BORCS7: variants seen among roughly 807,000 people sequenced by gnomAD.
BORCS7 encodes the protein BLOC-1 related complex subunit 7.
A neutral mutation model predicts 17.5 loss-of-function variants in BORCS7; 20 were observed. The ratio of observed to expected loss-of-function variants is 1.14; its 90% CI spans 0.80 to 1.66. The LOEUF is 1.66. Ranked by LOEUF, BORCS7 falls within the 40% of genes most tolerant of loss-of-function variation. BORCS7 has a pLI of 0.00. For missense variants in BORCS7, 122 were observed against 129.7 expected, an observed-to-expected ratio of 0.94 and a Z score of 0.29; for synonymous variants, 57 against 49.8, an observed-to-expected ratio of 1.14 and a Z score of -0.61.
chr10:102,860,683 G>C, intron 3 of BORCS7, 142 bp downstream of exon 3: 1 of 821,472 alleles, frequency 1.2e-6, no homozygotes, highest in Non-Finnish European at 2.0e-6. Context: ...TTTCTCGATG[G>C]CAAAGATGCC....
At chr10:102,856,015 G>A (rs1844421731) in intron 1 of BORCS7, among the ~76,000 whole-genome samples, 1 of 151,912 alleles carries the variant, frequency 6.6e-6, no homozygotes, top group Non-Finnish European at 1.5e-5. Context: ...TTCCCGCTTT[G>A]GCCCCCTAAA....
intron 1 of BORCS7, among the ~76,000 whole-genome samples, chr10:102,860,048 TG>T (rs1844491555): frequency 1.3e-5 from 2 of 152,222 alleles, no homozygotes; most frequent in Non-Finnish European, 2.9e-5. Flanking sequence ...TAGCACTTAA[TG>T]AATACACTGT....
At position 102,863,163 on chromosome 10, in the gene BORCS7, G is replaced by A. The variant is rs1051333787; in HGVS notation, c.*239G>A. ...AGCCTGGCCAAGATGGTGAAACCCC[G>A]TCTCTACTAAAAATACAAAGAATTA... On this transcript the variant is annotated 3_prime_UTR_variant, in exon 5 of 5. Transcript: ENST00000339834. 7 of 356,116 alleles carry A rather than the reference G, an allele frequency of 2.0e-5. No individual in the cohort carries two copies. The East Asian group carries it at 4.0e-4, about 20-fold the overall frequency. 22.1% of individuals were successfully genotyped at this position (356,116 alleles called of 1,614,324 possible).
chr10:102,859,366 C>T (rs1844479848), intron 1 of BORCS7, among the ~76,000 whole-genome samples: 1 of 151,758 alleles, frequency 6.6e-6, no homozygotes, highest in Non-Finnish European at 1.5e-5. Context: ...TCTTGAACTC[C>T]TGATCTCAGG....
intron 3 of BORCS7, 54 bp from the exon 4 acceptor site, chr10:102,862,106 A>G (rs1351050963): frequency 2.0e-6 from 3 of 1,517,792 alleles, no homozygotes; most frequent in Non-Finnish European, 1.8e-6. Context: ...CTGGTCATAA[A>G]TGAAACTTAT....
At position 102,860,338 on chromosome 10, in the gene BORCS7, G is replaced by C. The variant is rs752467994; in HGVS notation, c.148G>C (p.Gly50Arg). Residue 50 changes from glycine (G) to arginine (R), a missense_variant, in exon 2 of 5, where the codon GGT becomes CGT. By Grantham distance (125) the Gly-to-Arg change is moderately radical. Transcript: ENST00000339834. ...TTTTATTTTTGTCTTCCAGCTGCTA[G>C]GTCAGGCAGCTCGAAACATGGTACT... is the stretch of plus-strand genomic sequence containing the variant. ...LKGSRSSELL[G>R]QAARNMVLQE... The C allele has an allele frequency of 6.2e-7, 1 of 1,614,016 alleles. No individual in the cohort carries two copies. The highest frequency in any genetic ancestry group is 8.5e-7 in the Non-Finnish European group (1 of 1,179,962).
chr10:102,861,023 T>C (rs148437189), intron 3 of BORCS7, among the ~76,000 whole-genome samples: 1 of 152,212 alleles, frequency 6.6e-6, no homozygotes. Context: ...TTTTGAAATA[T>C]AAGACCCCCT....
At chr10:102,860,601 A>T (rs1844502033) in intron 3 of BORCS7, 60 bp downstream of exon 3, 40 of 1,568,420 alleles carry the variant, frequency 2.6e-5, no homozygotes, top group Non-Finnish European at 3.4e-5. Context: ...GTCTGCTTTC[A>T]TGGACTTTGT....
At chr10:102,854,571 G>T in intron 1 of BORCS7, 144 bp downstream of exon 1, 1 of 1,033,518 alleles carries the variant, frequency 9.7e-7, no homozygotes, top group Non-Finnish European at 1.4e-6. Context: ...GGAGGCGCGT[G>T]TTGCATTCTG....
chr10:102,862,200 G>A lies in BORCS7; in HGVS notation c.269+20G>A. 6.2e-7 allele frequency: 1 copy of A among 1,604,918 alleles called. No homozygotes were observed. The highest frequency in any genetic ancestry group is 8.5e-7 in the Non-Finnish European group (1 of 1,171,726). On this transcript the variant is annotated intron_variant, in intron 4 of 4. Coordinates refer to ENST00000339834, the MANE Select transcript of BORCS7 (RefSeq NM_001136200.2). Reference sequence around the variant, plus strand: ...GAAGAAGTAAGTAACCCCAAAGGTAGAGGAGTAGGGAACCAACTGAAGCAG... The same window carrying A: ...GAAGAAGTAAGTAACCCCAAAGGTAAAGGAGTAGGGAACCAACTGAAGCAG...
intron 1 of BORCS7, among the ~76,000 whole-genome samples, chr10:102,856,462 A>G (rs576595206): frequency 1.3e-5 from 2 of 152,356 alleles, no homozygotes; most frequent in East Asian, 3.9e-4. Flanking sequence ...AGTTGCAACT[A>G]CGTAATTTAA....
chr10:102,862,562 TTTC>T (rs1166327045), intron 4 of BORCS7, among the ~76,000 whole-genome samples: 1 of 152,226 alleles, frequency 6.6e-6, no homozygotes, highest in African/African-American at 2.4e-5. Flanking sequence ...TTTGCAAACC[TTTC>T]TTCAGAGTTT....
chr10:102,854,318 C>T lies in BORCS7; in HGVS notation c.32C>T (p.Ala11Val), dbSNP rs1277189693. The T allele has an allele frequency of 6.2e-7, 1 of 1,603,440 alleles. No individual in the cohort carries two copies. The highest frequency in any genetic ancestry group is 8.5e-7 in the Non-Finnish European group (1 of 1,175,154). Residue 11 changes from alanine to valine, a missense_variant, in exon 1 of 5, where the codon GCG (alanine) becomes GTG (valine). Ala to Val is a moderately conservative substitution (Grantham distance 64). Transcript: ENST00000339834. ...GCGACTGGAACGCCAGAGTCTCAAG[C>T]GCGGTTCGGTCAGTCCGTGAAGGGG... MMATGTPESQ[A>V]RFGQSVKGLL...
intron 1 of BORCS7, among the ~76,000 whole-genome samples, chr10:102,859,654 C>T (rs1207148707): frequency 6.6e-6 from 1 of 151,640 alleles, no homozygotes; most frequent in Admixed American, 6.6e-5. Flanking sequence ...CAACTTTCGC[C>T]TCCTGGGTTC....
At chr10:102,855,159 C>CTTTT (rs945217993) in intron 1 of BORCS7, among the ~76,000 whole-genome samples, 1 of 130,756 alleles carries the variant, frequency 7.6e-6, no homozygotes, top group African/African-American at 2.8e-5. Flanking sequence ...AGTACTTTTC[C>CTTTT]TTTTTTTTTT....
chr10:102,862,010 C>G (rs1222584865), intron 3 of BORCS7, 150 bp from the exon 4 acceptor site: 2 of 716,460 alleles, frequency 2.8e-6, no homozygotes, highest in Non-Finnish European at 4.6e-6. Context: ...ACAGGAATCC[C>G]TGTTCAATAG....
intron 1 of BORCS7, among the ~76,000 whole-genome samples, chr10:102,858,008 AC>A (rs1254281642): frequency 1.3e-5 from 2 of 151,930 alleles, no homozygotes; most frequent in Non-Finnish European, 2.9e-5. Context: ...ACAAAAAAAT[AC>A]AAAAAACTAT....
chr10:102,860,516 A>G lies in BORCS7; in HGVS notation c.223A>G (p.Ile75Val). ...TATGCAGAGTTTAAGGAAGATGGCA[A>G]TAATAACAACACATCTTCAATACCA... ...HSEDSLRKMAIITTHLQYQQE... is the reference protein window; with the variant it reads ...HSEDSLRKMAVITTHLQYQQE... The change falls in exon 3 of 5, where the codon ATA (isoleucine) becomes GTA (valine). Residue 75 changes from isoleucine to valine, a missense_variant. Physicochemically the swap from Ile to Val is conservative, Grantham distance 29 (BLOSUM62 3). Coordinates refer to ENST00000339834, the MANE Select transcript of BORCS7 (RefSeq NM_001136200.2). 12 of 1,613,336 alleles carry G rather than the reference A, an allele frequency of 7.4e-6. No homozygotes were observed. Among genetic ancestry groups the G allele is most frequent in the East Asian group, 2.2e-5 (1 of 44,874 alleles).
chr10:102,854,307 A>G lies in BORCS7; in HGVS notation c.21A>G (p.Pro7=). The G allele has an allele frequency of 6.2e-7, 1 of 1,605,242 alleles. No homozygotes were observed. The highest frequency in any genetic ancestry group is 2.2e-5 in the East Asian group (1 of 44,696). Residue 7 remains proline, a synonymous_variant, in exon 1 of 5, where the codon CCA becomes CCG. Transcript: ENST00000339834. MMATGT[P]ESQARFGQSV... The stretch of plus-strand genomic sequence containing the variant: ...CTGAAATGATGGCGACTGGAACGCC[A>G]GAGTCTCAAGCGCGGTTCGGTCAGT...
Sources: gnomAD v4.1 joint callset for allele counts (sites outside exome capture counted in the v4.1 genomes callset) on GRCh38, gnomAD v4.1.1 for gene constraint, MANE v1.5 for transcripts, NCBI Gene and HGNC (gene_info 2026-07-23, HGNC 2026-07-21) for gene names.